MIA3: variants seen among roughly 807,000 people sequenced by gnomAD.
MIA3 encodes MIA SH3 domain ER export factor 3.
MIA3 carries 90 observed loss-of-function variants against 192.4 expected under a neutral mutation model. The observed-to-expected ratio is 0.47, with a 90% CI of 0.39 to 0.56. The LOEUF is 0.56. MIA3 is among the 20% of genes least tolerant of loss of function. The pLI is 0.00. For missense variants in MIA3, 2,123 were observed against 2,269.4 expected (o/e 0.94, Z 1.31); for synonymous variants, 740 against 792.8 (o/e 0.93, Z 1.12).
intron 2 of MIA3, among the ~76,000 whole-genome samples, chr1:222,621,973 A>AT (rs1284536378): frequency 2.0e-5 from 3 of 151,922 alleles, no homozygotes; most frequent in Non-Finnish European, 4.4e-5. Flanking sequence ...CACACGGCTA[A>AT]TTTTTTGTAT....
At chr1:222,624,630 C>T (rs1662025409) in intron 2 of MIA3, 138 bp from the exon 3 acceptor site, 14 of 572,648 alleles carry the variant, frequency 2.4e-5, no homozygotes, top group Admixed American at 1.1e-4. Flanking sequence ...TCTCAAATAG[C>T]GGAGAAAAGT....
chr1:222,651,211 G>GTT (rs147709124), intron 11 of MIA3, among the ~76,000 whole-genome samples: 5 of 140,152 alleles, frequency 3.6e-5, no homozygotes, highest in Admixed American at 7.1e-5. Flanking sequence ...GTTTTGCAAA[G>GTT]TTTTTTTTTT....
At chr1:222,655,134 A>G (rs1292086132) in intron 18 of MIA3, among the ~76,000 whole-genome samples, 2 of 152,208 alleles carry the variant, frequency 1.3e-5, no homozygotes, top group African/African-American at 4.8e-5. Context: ...TCAATTATGT[A>G]ATTTCCTTTA....
intron 6 of MIA3, among the ~76,000 whole-genome samples, chr1:222,638,201 A>C (rs1215902569): frequency 1.3e-5 from 2 of 152,204 alleles, no homozygotes; most frequent in African/African-American, 4.8e-5. Flanking sequence ...AAAATAAACT[A>C]TATTATCAGC....
At chr1:222,623,096 G>T (rs774191916) in intron 2 of MIA3, among the ~76,000 whole-genome samples, 35 of 152,198 alleles carry the variant, frequency 2.3e-4, no homozygotes, top group Admixed American at 5.2e-4. Context: ...TGACGAGGCA[G>T]TGGCATTTAT....
Position 222,628,955 on chromosome 1 carries a change from A to G in MIA3, c.1735A>G (p.Ser579Gly). 2 of 1,614,152 alleles carry G rather than the reference A, an allele frequency of 1.2e-6. No homozygotes were observed. The highest frequency in any genetic ancestry group is 1.7e-6 in the Non-Finnish European group (2 of 1,180,008). The change falls in exon 4 of 28, where the codon AGT (serine) becomes GGT (glycine). Residue 579 changes from serine to glycine, a missense_variant. By Grantham distance (56) the Ser-to-Gly change is moderately conservative (BLOSUM62 0). This residue lies in a region of MIA3 where 1,357 missense variants were observed against 1,396.1 expected (regional missense o/e 0.97). Coordinates refer to ENST00000344922, the MANE Select transcript of MIA3 (RefSeq NM_198551.4). ...DRKIQQESLG[S>G]APLMGDDHPN... is the part of the protein sequence containing the mutation. ...AAAGATTCAACAGGAATCCCTGGGT[A>G]GTGCACCACTCATGGGAGATGACCA...
At position 222,628,744 on chromosome 1, in the gene MIA3, A is replaced by C; in HGVS notation, c.1524A>C (p.Pro508=). 6.2e-7 allele frequency: 1 copy of C among 1,614,178 alleles called. No individual in the cohort carries two copies. The part of the protein sequence containing the change: ...SVHSNNLNSM[P]AAEKGKDTLK... ...ACAGCAATAACCTCAACTCTATGCC[A>C]GCTGCTGAAAAGGGTAAAGACACAT... The change falls in exon 4 of 28, where the codon CCA becomes CCC. Residue 508 remains proline (P), a synonymous_variant. Transcript: ENST00000344922.
intron 2 of MIA3, among the ~76,000 whole-genome samples, chr1:222,623,452 AC>A (rs1310866935): frequency 6.6e-6 from 1 of 152,000 alleles, no homozygotes; most frequent in Non-Finnish European, 1.5e-5. Context: ...AATTTGATGA[AC>A]CTTATTCTTA....
chr1:222,660,516 T>C, intron 24 of MIA3: 2 of 440,562 alleles, frequency 4.5e-6, no homozygotes, highest in Admixed American at 4.1e-5. Context: ...TTTTCCTTTA[T>C]TGTTTTGTTT....
At chr1:222,630,996 A>G (rs1662373488) in intron 4 of MIA3, among the ~76,000 whole-genome samples, 2 of 152,190 alleles carry the variant, frequency 1.3e-5, no homozygotes, top group South Asian at 2.1e-4. Context: ...ATATCCTGAC[A>G]TAAGCATTCT....
intron 18 of MIA3, 28 bp downstream of exon 18, chr1:222,654,821 T>C (rs765981447): frequency 1.3e-6 from 2 of 1,586,540 alleles, no homozygotes; most frequent in Non-Finnish European, 1.7e-6. Context: ...TACTGTTAAC[T>C]GTATTGTCAT....
chr1:222,650,632 AG>A lies in MIA3; in HGVS notation c.3721-1del. On this transcript the variant is annotated splice_acceptor_variant, in intron 9 of 27. Transcript: ENST00000344922. LOFTEE classifies it high-confidence loss of function. ...GGATTCTGAATGCTTTATTTTATAT[AG>A]ATCAAGGAATCAAAGAAACATGTTC... 4 of 1,559,264 alleles carry A rather than the reference AG, an allele frequency of 2.6e-6. No homozygotes were observed. The highest frequency in any genetic ancestry group is 3.5e-6 in the Non-Finnish European group (4 of 1,141,126).
intron 8 of MIA3, chr1:222,649,457 T>C (rs1663308312): frequency 6.6e-6 from 1 of 152,432 alleles, no homozygotes; most frequent in African/African-American, 2.4e-5. Flanking sequence ...ATTAATCTGT[T>C]CTCACACTGC....
intron 5 of MIA3, 116 bp from the exon 6 acceptor site, chr1:222,632,988 G>A: frequency 1.9e-6 from 2 of 1,045,762 alleles, no homozygotes; most frequent in Admixed American, 2.3e-5. Flanking sequence ...AGTGAGAGAT[G>A]AGAACGTTTA....
rs1664327115 is a variant in MIA3 at position 222,667,160 on chromosome 1, A to AGAT, written c.*1542_*1544dup. The AGAT allele has an allele frequency of 6.6e-6, 1 of 152,232 alleles. No individual in the cohort carries two copies. The highest frequency in any genetic ancestry group is 2.1e-4 in the South Asian group (1 of 4,838). 9.4% of individuals were successfully genotyped at this position (152,232 alleles called of 1,614,324 possible). A position where few individuals can be genotyped will look rare whatever the true frequency, so the allele number is the denominator to read the frequency against. ...ACAACTGAAGATAGATAGTTTAGAA[A>AGAT]GATAAGGACCTTTGAAAGAAGACAA... On this transcript the variant is annotated 3_prime_UTR_variant, in exon 28 of 28. Coordinates refer to ENST00000344922, the MANE Select transcript of MIA3 (RefSeq NM_198551.4).
Position 222,654,692 on chromosome 1 carries a change from A to G in MIA3, c.4506A>G (p.Leu1502=), listed in dbSNP as rs540185825. 1 of 1,614,104 alleles carries G rather than the reference A, an allele frequency of 6.2e-7. No homozygotes were observed. Among genetic ancestry groups the G allele is most frequent in the African/African-American group, 1.3e-5 (1 of 75,050 alleles). ...VKKLEDDRNS[L]QAAKAGLEDE... ...AATTGGAAGATGACCGCAACTCACT[A>G]CAAGCTGCCAAAGCTGGACTGGAAG... The change falls in exon 18 of 28, where the codon CTA becomes CTG. Residue 1502 remains leucine (L), a synonymous_variant. Transcript: ENST00000344922.
At chr1:222,633,047 T>C in intron 5 of MIA3, 57 bp from the exon 6 acceptor site, 1 of 1,521,088 alleles carries the variant, frequency 6.6e-7, no homozygotes. Flanking sequence ...ATAAGTATTT[T>C]TTAAAGAGAA....
rs768954706 is a variant in MIA3, at chr1:222,628,640, T to C, written c.1420T>C (p.Ser474Pro). 9 of 1,613,864 alleles carry C rather than the reference T, an allele frequency of 5.6e-6. No individual in the cohort carries two copies. Among genetic ancestry groups the C allele is most frequent in the Middle Eastern group, 3.3e-4 (2 of 6,062 alleles). The part of the protein sequence containing the change: ...IKGKGRGVQE[S>P]KRGLVQDKTE... ...AGGAAAAGGGAGGGGAGTTCAGGAATCCAAGAGGGGCCTGGTACAAGATAA... is the reference window on the plus strand; with the variant it reads ...AGGAAAAGGGAGGGGAGTTCAGGAACCCAAGAGGGGCCTGGTACAAGATAA... The change falls in exon 4 of 28, where the codon TCC (serine) becomes CCC (proline). Residue 474 changes from serine (S) to proline (P), a missense_variant. Coordinates refer to ENST00000344922, the MANE Select transcript of MIA3 (RefSeq NM_198551.4).
rs774619055 is a variant in MIA3 at position 222,665,538 on chromosome 1, G to A, written c.5643G>A (p.Pro1881=). Residue 1881 remains proline (P), a synonymous_variant, in exon 28 of 28, where the codon CCG becomes CCA. Coordinates refer to ENST00000344922, the MANE Select transcript of MIA3 (RefSeq NM_198551.4). ...CACCTGCTGTAAGAGACTTACTGCC[G>A]TCAGGCTCTAGAGATGAGCCTCCAC... The part of the protein sequence containing the change: ...PPPPAVRDLL[P]SGSRDEPPPA... The A allele has an allele frequency of 2.6e-5, 42 of 1,613,912 alleles. No individual in the cohort carries two copies. Among genetic ancestry groups the A allele is most frequent in the South Asian group, 5.5e-5 (5 of 91,084 alleles).
Sources: gnomAD v4.1 joint callset for allele counts (sites outside exome capture counted in the v4.1 genomes callset) on GRCh38, gnomAD v4.1.1 for gene constraint, gnomAD v4.1.1 regional missense constraint, MANE v1.5 for transcripts, NCBI Gene and HGNC (gene_info 2026-07-23, HGNC 2026-07-21) for gene names.